The following ZZZ3 variants were observed in gnomAD, a reference collection of about 807,000 sequenced individuals.
ZZZ3 encodes zinc finger ZZ-type containing 3, also known as ZZ-type zinc finger-containing protein 3.
ZZZ3 carries 22 observed loss-of-function variants against 95.2 expected under a neutral mutation model. The ratio of observed to expected loss-of-function variants is 0.23; its 90% CI spans 0.17 to 0.33. The LOEUF (loss-of-function observed/expected upper bound fraction) is 0.33. Among genes scored for constraint, ZZZ3 ranks in the 10% least tolerant of loss-of-function variants. The pLI, the probability that ZZZ3 is intolerant of heterozygous loss-of-function variation, is 1.00. For missense variants in ZZZ3, 885 were observed against 1,066.5 expected (o/e 0.83, Z 2.37); for synonymous variants, 335 against 358.9 (o/e 0.93, Z 0.75).
chr1:77,675,990 C>CA, intron 1 of ZZZ3, among the ~76,000 whole-genome samples: 1 of 152,290 alleles, frequency 6.6e-6, no homozygotes, highest in South Asian at 2.1e-4. Context: ...CTGAGTCCTA[C>CA]AGCTGTTAAA....
rs1662611625 is a variant in ZZZ3, at chr1:77,582,418, A to T, written c.1645-292T>A. ...ATAAAATAAAACTAACAACCCATAA[A>T]TGTTCTCTGCATTCCATATACCAAT... On this transcript the variant is annotated intron_variant, in intron 6 of 14. Transcript: ENST00000370801. 2.0e-5 allele frequency among the ~76,000 whole-genome samples: 3 copies of T among 152,302 alleles called. No individual in the cohort carries two copies. The South Asian group carries it at 6.2e-4, about 32-fold the overall frequency.
Position 77,631,980 on chromosome 1 carries a change from C to A in ZZZ3, c.1375G>T (p.Ala459Ser). The A allele has an allele frequency of 3.1e-6, 5 of 1,614,096 alleles. No homozygotes were observed. Among genetic ancestry groups the A allele is most frequent in the Non-Finnish European group, 4.2e-6 (5 of 1,179,974 alleles). Residue 459 changes from alanine (A) to serine (S), a missense_variant, in exon 5 of 15, where the codon GCA (alanine) becomes TCA (serine). This residue lies in a region of ZZZ3 where 556 missense variants were observed against 652.9 expected (regional missense o/e 0.85). Transcript: ENST00000370801. ...SEGVSKPPSE[A>S]RLNIGHLPSA... ...GGCAAATGTCCAATATTGAGTCTTG[C>A]CTCTGAGGGTGGTTTACTTACTCCT...
intron 3 of ZZZ3, among the ~76,000 whole-genome samples, chr1:77,639,969 T>C (rs1438134482): frequency 2.0e-5 from 3 of 151,692 alleles, no homozygotes; most frequent in Non-Finnish European, 4.4e-5. Flanking sequence ...ATTTATAATA[T>C]CATCTCGTAC....
chr1:77,574,321 T>C (rs1234037611), intron 12 of ZZZ3, among the ~76,000 whole-genome samples: 1 of 151,924 alleles, frequency 6.6e-6, no homozygotes, highest in East Asian at 1.9e-4. Flanking sequence ...AAGTATTACA[T>C]TGATGTCATT....
At chr1:77,669,569 T>A (rs1428497926) in intron 1 of ZZZ3, among the ~76,000 whole-genome samples, 2 of 150,568 alleles carry the variant, frequency 1.3e-5, no homozygotes, top group Non-Finnish European at 3.0e-5. Flanking sequence ...GCGATTCTCC[T>A]GCCACAGCCT....
chr1:77,621,863 CCA>C (rs1432819957), intron 5 of ZZZ3, among the ~76,000 whole-genome samples: 1 of 152,054 alleles, frequency 6.6e-6, no homozygotes, highest in East Asian at 1.9e-4. Flanking sequence ...GAATATACTT[CCA>C]GTTTTTATTG....
In ZZZ3 at chr1:77,597,278, A is replaced by G. The variant is rs149155008; in HGVS notation, c.1506-12623T>C. ...ACCACATTATAATCCAAAGTATAAA[A>G]CTGTCAGTCCACACTGATATAAATA... On this transcript the variant is annotated intron_variant, in intron 5 of 14. Transcript: ENST00000370801. Among the ~76,000 whole-genome samples, 47 of 152,246 alleles carry G rather than the reference A, an allele frequency of 3.1e-4. No individual in the cohort carries two copies. In the East Asian group the frequency reaches 8.9e-3, roughly 29 times the overall value.
chr1:77,637,692 C>T (rs947407831), intron 4 of ZZZ3, among the ~76,000 whole-genome samples: 2 of 152,154 alleles, frequency 1.3e-5, no homozygotes, highest in African/African-American at 4.8e-5. Context: ...TCTGTATTAT[C>T]TCAACCAAGT....
intron 5 of ZZZ3, among the ~76,000 whole-genome samples, chr1:77,620,082 C>G (rs1666697849): frequency 6.6e-6 from 1 of 152,090 alleles, no homozygotes; most frequent in African/African-American, 2.4e-5. Context: ...AACTAATAAT[C>G]AGGCCTAAAG....
intron 3 of ZZZ3, among the ~76,000 whole-genome samples, chr1:77,640,443 AC>A (rs1668673058): frequency 6.6e-6 from 1 of 152,046 alleles, no homozygotes; most frequent in South Asian, 2.1e-4. Context: ...TACTAAAAAT[AC>A]AAAAAATTAG....
In ZZZ3 at chr1:77,594,756, T is replaced by C. The variant is rs569165386; in HGVS notation, c.1506-10101A>G. On this transcript the variant is annotated intron_variant, in intron 5 of 14. Coordinates refer to ENST00000370801, the MANE Select transcript of ZZZ3 (RefSeq NM_015534.6). Reference sequence around the variant, plus strand: ...TTTATGAACATGAAGCTGAGAAGGATAGCAAATACTATAGATTAAAAAAAT... The same window carrying C: ...TTTATGAACATGAAGCTGAGAAGGACAGCAAATACTATAGATTAAAAAAAT... 2.0e-5 allele frequency among the ~76,000 whole-genome samples: 3 copies of C among 151,822 alleles called. No individual in the cohort carries two copies. In the South Asian group the frequency reaches 6.2e-4, roughly 32 times the overall value.
intron 5 of ZZZ3, among the ~76,000 whole-genome samples, chr1:77,609,758 T>C (rs893863398): frequency 3.3e-5 from 5 of 152,012 alleles, no homozygotes; most frequent in Non-Finnish European, 2.9e-5. Context: ...TACCAACACA[T>C]GCAAATTAAA....
intron 5 of ZZZ3, among the ~76,000 whole-genome samples, chr1:77,613,895 C>T (rs991658811): frequency 6.6e-6 from 1 of 152,038 alleles, no homozygotes; most frequent in Non-Finnish European, 1.5e-5. Context: ...TCAAAGGGCC[C>T]TTAGACTGAA....
rs181761306 is a variant in ZZZ3 at position 77,602,186 on chromosome 1, G to C, written c.1506-17531C>G. Among the ~76,000 whole-genome samples, 12 of 152,256 alleles carry C rather than the reference G, an allele frequency of 7.9e-5. No individual in the cohort carries two copies. In the East Asian group the frequency reaches 1.7e-3, roughly 22 times the overall value. On this transcript the variant is annotated intron_variant, in intron 5 of 14. Coordinates refer to ENST00000370801, the MANE Select transcript of ZZZ3 (RefSeq NM_015534.6). ...TTCCTCAACAAGAGCAAAGACAATG[G>C]GAGAAAGGAAGAAAAACTGTTGGCA...
intron 5 of ZZZ3, among the ~76,000 whole-genome samples, chr1:77,608,389 G>A (rs1665459410): frequency 6.6e-6 from 1 of 152,136 alleles, no homozygotes; most frequent in Non-Finnish European, 1.5e-5. Flanking sequence ...TTTTACCCTA[G>A]AATAGTATAT....
At chr1:77,657,313 C>T (rs1042922401) in intron 1 of ZZZ3, among the ~76,000 whole-genome samples, 1 of 152,138 alleles carries the variant, frequency 6.6e-6, no homozygotes, top group African/African-American at 2.4e-5. Context: ...GATTCATAAA[C>T]ACGGAACTCA....
intron 1 of ZZZ3, among the ~76,000 whole-genome samples, chr1:77,679,521 A>T (rs1672559064): frequency 6.6e-6 from 1 of 152,088 alleles, no homozygotes; most frequent in Non-Finnish European, 1.5e-5. Flanking sequence ...GCTGGTCTCA[A>T]GCAATCCTCC....
chr1:77,666,026 G>A (rs1671220779), intron 1 of ZZZ3, among the ~76,000 whole-genome samples: 1 of 152,234 alleles, frequency 6.6e-6, no homozygotes, highest in Non-Finnish European at 1.5e-5. Context: ...GGGAGAGACA[G>A]CGAGACTCCA....
At chr1:77,676,816 AAT>A (rs1446822817) in intron 1 of ZZZ3, among the ~76,000 whole-genome samples, 4 of 152,180 alleles carry the variant, frequency 2.6e-5, no homozygotes, top group Non-Finnish European at 4.4e-5. Flanking sequence ...ATAACAAAAA[AAT>A]GAGAAAAATT....
Sources: allele counts gnomAD v4.1 joint callset (sites outside exome capture counted in the v4.1 genomes callset), GRCh38; gene constraint gnomAD v4.1.1; regional missense constraint gnomAD v4.1.1; transcripts MANE v1.5; gene names NCBI Gene and HGNC (gene_info 2026-07-23, HGNC 2026-07-21).